Variants in CALN1 observed in about 807,000 individuals in gnomAD.
CALN1 encodes calneuron 1.
A neutral mutation model predicts 30.6 loss-of-function variants in CALN1; 17 were observed. The ratio of observed to expected loss-of-function variants is 0.56; its 90% CI spans 0.38 to 0.83. The LOEUF (loss-of-function observed/expected upper bound fraction) is 0.83. Ranked by LOEUF, CALN1 falls within the 40% of genes least tolerant of loss-of-function variation. CALN1 has a pLI of 0.00. For synonymous variants in CALN1, 156 were observed against 131.4 expected, an observed-to-expected ratio of 1.19 and a Z score of -1.28; for missense variants, 291 against 354.9, an observed-to-expected ratio of 0.82 and a Z score of 1.45.
rs142777377 is a variant in CALN1 at position 72,292,215 on chromosome 7, T to C, written c.120-13405A>G. Among the ~76,000 whole-genome samples the C allele has an allele frequency of 8.8e-3, 1,338 of 151,940 alleles. 12 individuals carry two copies. The highest frequency in any genetic ancestry group is 0.014 in the Non-Finnish European group (974 of 67,996). On this transcript the variant is annotated intron_variant, in intron 2 of 6. Transcript: ENST00000395275. ...GGCTTAAACAACAAACATTTATTTC[T>C]CATGGTTCTCAAGCCTGGAAGGCCA...
At chr7:72,338,766 C>T (rs111754045) in intron 2 of CALN1, among the ~76,000 whole-genome samples, 14 of 152,004 alleles carry the variant, frequency 9.2e-5, no homozygotes, top group African/African-American at 3.1e-4. Flanking sequence ...CATGGAGAAC[C>T]GGGTAGCATT....
At chr7:71,893,096 C>T (rs911825915) in intron 5 of CALN1, among the ~76,000 whole-genome samples, 20 of 152,286 alleles carry the variant, frequency 1.3e-4, no homozygotes, top group Non-Finnish European at 2.9e-4. Flanking sequence ...CCACTGTTAA[C>T]AGCCCACATT....
intron 2 of CALN1, among the ~76,000 whole-genome samples, chr7:72,298,882 G>C (rs535926994): frequency 1.3e-5 from 2 of 151,762 alleles, no homozygotes; most frequent in Non-Finnish European, 2.9e-5. Flanking sequence ...TCCACGTCAA[G>C]TCGTGACTTG....
chr7:71,974,532 C>T (rs975701978), intron 5 of CALN1, among the ~76,000 whole-genome samples: 37 of 151,742 alleles, frequency 2.4e-4, no homozygotes, highest in African/African-American at 9.0e-4. Context: ...GTGCCTGTTC[C>T]ACCACCCCTT....
At chr7:72,186,088 A>G (rs1790166826) in intron 3 of CALN1, among the ~76,000 whole-genome samples, 1 of 152,132 alleles carries the variant, frequency 6.6e-6, no homozygotes, top group African/African-American at 2.4e-5. Flanking sequence ...GCATAGCCAC[A>G]GTGATGCATG....
intron 2 of CALN1, among the ~76,000 whole-genome samples, chr7:72,280,585 G>A (rs1192568070): frequency 2.0e-5 from 3 of 152,106 alleles, no homozygotes; most frequent in Admixed American, 6.5e-5. Context: ...AGGAAGAATC[G>A]CATGTGTGAA....
At chr7:72,138,499 G>A (rs986120437) in intron 3 of CALN1, among the ~76,000 whole-genome samples, 2 of 152,076 alleles carry the variant, frequency 1.3e-5, no homozygotes, top group Admixed American at 1.3e-4. Flanking sequence ...TGATTCCTCG[G>A]GAAACTCTTT....
At chr7:72,413,178 CACTG>C (rs1206415814), upstream of CALN1, among the ~76,000 whole-genome samples, 4 of 152,004 alleles carry the variant, frequency 2.6e-5, no homozygotes, top group Admixed American at 1.3e-4. Flanking sequence ...CATATGTACA[CACTG>C]ACACTTGTGC....
intron 2 of CALN1, among the ~76,000 whole-genome samples, chr7:72,335,957 C>T (rs1325298908): frequency 6.6e-6 from 1 of 152,194 alleles, no homozygotes; most frequent in Non-Finnish European, 1.5e-5. Flanking sequence ...TGCGCTAGTC[C>T]GGAGAAACTA....
chr7:72,416,683 C>G (rs1463182115), upstream of CALN1, among the ~76,000 whole-genome samples: 3 of 145,554 alleles, frequency 2.1e-5, no homozygotes, highest in Non-Finnish European at 4.5e-5. Context: ...TGCAGTGAGC[C>G]GAGATCGCGT....
chr7:72,486,329 C>T, the CALN1 span, among the ~76,000 whole-genome samples: 1 of 152,142 alleles, frequency 6.6e-6, no homozygotes, highest in Non-Finnish European at 1.5e-5. Context: ...AGTAATAATA[C>T]ATATAAACCT....
chr7:71,952,451 A>G (rs528144882), intron 5 of CALN1, among the ~76,000 whole-genome samples: 160 of 152,330 alleles, frequency 1.1e-3, no homozygotes, highest in African/African-American at 3.7e-3. Flanking sequence ...CTCTGCCACA[A>G]GGACTCGGCT....
rs1294518813 is a variant in CALN1 at position 71,801,416 on chromosome 7, GTATGTATGTATGTATC to G, written c.658+8904_658+8919del. Among the ~76,000 whole-genome samples the G allele has an allele frequency of 3.2e-3, 351 of 108,018 alleles. 1 individual carries two copies. Among genetic ancestry groups the G allele is most frequent in the Middle Eastern group, 0.02 (4 of 198 alleles). 70.9% of individuals were successfully genotyped at this position (108,018 alleles called of 152,430 possible). A position where few individuals can be genotyped will look rare whatever the true frequency, so the allele number is the denominator to read the frequency against. Reference sequence around the variant, plus strand: ...TGTATGTATGTATGTATGTATGTATGTATGTATGTATGTATCTATCTATCTATCTATCTATCTATCT... The same window carrying G: ...TGTATGTATGTATGTATGTATGTATGTATCTATCTATCTATCTATCTATCT... On this transcript the variant is annotated intron_variant, in intron 6 of 6. Coordinates refer to ENST00000395275, the MANE Select transcript of CALN1 (RefSeq NM_031468.4).
At chr7:72,168,478 T>C (rs1470149438) in intron 3 of CALN1, among the ~76,000 whole-genome samples, 2 of 152,198 alleles carry the variant, frequency 1.3e-5, no homozygotes, top group African/African-American at 4.8e-5. Context: ...CTTTAAAATG[T>C]GGATCTTTTA....
chr7:72,402,444 A>G (rs1260827967), intron 2 of CALN1, among the ~76,000 whole-genome samples: 1 of 152,184 alleles, frequency 6.6e-6, no homozygotes, highest in Non-Finnish European at 1.5e-5. Flanking sequence ...CTGGTGGCTA[A>G]AGCTGGAGAT....
intron 1 of CALN1, among the ~76,000 whole-genome samples, chr7:72,439,416 T>C (rs945869641): frequency 5.3e-5 from 8 of 152,194 alleles, no homozygotes; most frequent in African/African-American, 1.9e-4. Flanking sequence ...AAACAGTTGA[T>C]TAACACATAT....
At chr7:72,110,429 T>G (rs1292848834) in intron 3 of CALN1, among the ~76,000 whole-genome samples, 1 of 152,236 alleles carries the variant, frequency 6.6e-6, no homozygotes, top group Non-Finnish European at 1.5e-5. Flanking sequence ...TGGCTTACTC[T>G]GTAGTCTGTA....
intron 2 of CALN1, among the ~76,000 whole-genome samples, chr7:72,342,191 C>T (rs1173929379): frequency 4.0e-5 from 6 of 148,412 alleles, no homozygotes; most frequent in Non-Finnish European, 5.9e-5. Context: ...CCCAGGAGTT[C>T]GAGATTACAG....
intron 3 of CALN1, among the ~76,000 whole-genome samples, chr7:72,265,179 T>A (rs765985774): frequency 1.3e-5 from 2 of 152,148 alleles, no homozygotes; most frequent in Admixed American, 6.6e-5. Flanking sequence ...CAGGTCTGGA[T>A]GTAAATTCAA....
Sources: allele counts gnomAD v4.1 joint callset (sites outside exome capture counted in the v4.1 genomes callset), GRCh38; gene constraint gnomAD v4.1.1; transcripts MANE v1.5; gene names NCBI Gene and HGNC (gene_info 2026-07-23, HGNC 2026-07-21).